Variants in DLG2 observed in about 807,000 individuals in gnomAD.
DLG2 encodes the protein discs large MAGUK scaffold protein 2, also known as disks large homolog 2.
DLG2 carries 45 observed loss-of-function variants against 132.5 expected under a neutral mutation model. That is an observed-to-expected ratio of 0.34 (90% CI 0.27 to 0.44). DLG2 has a LOEUF of 0.44. Ranked by LOEUF, DLG2 falls within the 20% of genes least tolerant of loss-of-function variation. DLG2 has a pLI of 1.00. For synonymous variants in DLG2, 424 were observed against 419.6 expected (o/e 1.01, Z -0.13); for missense variants, 1,045 against 1,196.9 (o/e 0.87, Z 1.87).
chr11:84,172,675 T>A (rs11828185), intron 8 of DLG2, among the ~76,000 whole-genome samples: 1,973 of 152,134 alleles, frequency 0.013, 37 homozygotes, highest in African/African-American at 0.044. Flanking sequence ...CCCAAGTAGC[T>A]GTGATTACAG....
At chr11:83,628,209 T>C (rs1173616990) in intron 19 of DLG2, among the ~76,000 whole-genome samples, 3 of 152,188 alleles carry the variant, frequency 2.0e-5, no homozygotes, top group African/African-American at 7.2e-5. Flanking sequence ...GCAGAAGCTC[T>C]TTAGTTTAAT....
intron 8 of DLG2, among the ~76,000 whole-genome samples, chr11:84,176,829 C>T (rs1314483808): frequency 1.3e-5 from 2 of 152,066 alleles, no homozygotes; most frequent in Admixed American, 1.3e-4. Flanking sequence ...TCTAACAGTT[C>T]ATGCTCAAGC....
chr11:85,296,467 C>CTTTTTTTTTTTTTTTTTTTTTTTGTTTTT (rs66526147), intron 3 of DLG2, among the ~76,000 whole-genome samples: 7 of 121,538 alleles, frequency 5.8e-5, no homozygotes, highest in African/African-American at 9.4e-5. Flanking sequence ...TTTCGATTTT[C>CTTTTTTTTTTTTTTTTTTTTTTTGTTTTT]TTTTTTTTTT....
intron 6 of DLG2, among the ~76,000 whole-genome samples, chr11:84,613,005 C>A (rs570315709): frequency 6.6e-6 from 1 of 152,090 alleles, no homozygotes; most frequent in African/African-American, 2.4e-5. Flanking sequence ...TGGAACCTCA[C>A]GAATTTCTAA....
At chr11:83,602,919 C>G (rs1200837897) in intron 19 of DLG2, among the ~76,000 whole-genome samples, 1 of 151,844 alleles carries the variant, frequency 6.6e-6, no homozygotes, top group Non-Finnish European at 1.5e-5. Context: ...AAAGAGCATT[C>G]TTATTATTTT....
chr11:84,432,430 C>A (rs2098987465), intron 7 of DLG2, among the ~76,000 whole-genome samples: 1 of 152,178 alleles, frequency 6.6e-6, no homozygotes, highest in African/African-American at 2.4e-5. Flanking sequence ...CATTGGAGAT[C>A]TACTGAAGCA....
At chr11:84,213,491 G>T (rs1316924497) in intron 8 of DLG2, among the ~76,000 whole-genome samples, 1 of 152,064 alleles carries the variant, frequency 6.6e-6, no homozygotes, top group Non-Finnish European at 1.5e-5. Flanking sequence ...TATTAAAAAT[G>T]TAAAATTTCC....
chr11:84,878,703 G>GA (rs1039822697), intron 6 of DLG2, among the ~76,000 whole-genome samples: 7 of 151,702 alleles, frequency 4.6e-5, no homozygotes, highest in Non-Finnish European at 1.0e-4. Flanking sequence ...TTAAAGTATA[G>GA]AAAAAAAATC....
At chr11:84,213,539 G>A (rs1206192869) in intron 8 of DLG2, among the ~76,000 whole-genome samples, 2 of 152,236 alleles carry the variant, frequency 1.3e-5, no homozygotes, top group East Asian at 3.9e-4. Flanking sequence ...TATGTAAGAG[G>A]CCAGGCGCGG....
chr11:84,577,882 G>A (rs111580643), intron 6 of DLG2, among the ~76,000 whole-genome samples: 9,493 of 152,218 alleles, frequency 0.062, 355 homozygotes, highest in South Asian at 0.095. Context: ...CAGAGGCCCA[G>A]GAGGAAAAAG....
intron 7 of DLG2, among the ~76,000 whole-genome samples, chr11:84,394,870 T>C (rs2098805914): frequency 6.6e-6 from 1 of 152,154 alleles, no homozygotes; most frequent in South Asian, 2.1e-4. Context: ...TCCATCCACT[T>C]TGGCCTCCCA....
intron 6 of DLG2, among the ~76,000 whole-genome samples, chr11:84,945,655 C>T (rs1454387600): frequency 6.6e-6 from 1 of 152,178 alleles, no homozygotes; most frequent in East Asian, 1.9e-4. Context: ...GGGCAGCAAG[C>T]TTCCCCCAGC....
intron 18 of DLG2, among the ~76,000 whole-genome samples, chr11:83,745,293 T>C (rs1030268822): frequency 2.6e-5 from 4 of 152,244 alleles, no homozygotes; most frequent in African/African-American, 9.6e-5. Flanking sequence ...ATTAGAAAAC[T>C]ATGCAACACT....
chr11:83,942,798 C>T (rs790372), intron 14 of DLG2, among the ~76,000 whole-genome samples: 146,951 of 152,352 alleles, frequency 0.96, 70,963 homozygotes, highest in East Asian at 1. Flanking sequence ...TATCACCACA[C>T]ACACAAAAAA....
intron 7 of DLG2, among the ~76,000 whole-genome samples, chr11:84,533,299 T>TA (rs2099347217): frequency 6.6e-6 from 1 of 152,166 alleles, no homozygotes; most frequent in East Asian, 1.9e-4. Context: ...GCTCTGGAGG[T>TA]AAAAAAGGTT....
intron 9 of DLG2, among the ~76,000 whole-genome samples, chr11:84,117,688 A>T (rs905710509): frequency 6.6e-6 from 1 of 152,206 alleles, no homozygotes; most frequent in African/African-American, 2.4e-5. Context: ...GTTATATTAT[A>T]AGAATTGTAT....
At chr11:84,230,051 CAT>C (rs1374950265) in intron 8 of DLG2, among the ~76,000 whole-genome samples, 1 of 152,096 alleles carries the variant, frequency 6.6e-6, no homozygotes, top group Non-Finnish European at 1.5e-5. Context: ...TAAATCTCCA[CAT>C]GTGAAGCTTT....
chr11:83,520,918 G>T (rs946855125), intron 21 of DLG2, among the ~76,000 whole-genome samples: 1 of 152,168 alleles, frequency 6.6e-6, no homozygotes, highest in Admixed American at 6.6e-5. Flanking sequence ...GGCATAGCTG[G>T]GATGGCAGTA....
At chr11:85,284,421 T>C (rs1182886316) in intron 4 of DLG2, among the ~76,000 whole-genome samples, 1 of 151,942 alleles carries the variant, frequency 6.6e-6, no homozygotes, top group Non-Finnish European at 1.5e-5. Context: ...TGATTGGCAC[T>C]AGGATTCCAT....
Sources: allele counts gnomAD v4.1 joint callset (sites outside exome capture counted in the v4.1 genomes callset), GRCh38; gene constraint gnomAD v4.1.1; transcripts MANE v1.5; gene names NCBI Gene and HGNC (gene_info 2026-07-23, HGNC 2026-07-21).